The following FARP1 variants were observed in gnomAD, a reference collection of about 807,000 sequenced individuals.
FARP1 encodes FERM, ARHGEF and pleckstrin domain-containing protein 1.
Under a neutral mutation model 128.8 loss-of-function variants are expected in FARP1, and 52 were observed. The ratio of observed to expected loss-of-function variants is 0.40; its 90% confidence interval spans 0.32 to 0.51. FARP1 has a LOEUF of 0.51. Ranked by LOEUF, FARP1 falls within the 20% of genes least tolerant of loss-of-function variation. FARP1 has a pLI of 0.45. For synonymous variants in FARP1, 580 were observed against 551.8 expected, an observed-to-expected ratio of 1.05 and a Z score of -0.72; for missense variants, 1,333 against 1,367.9, an observed-to-expected ratio of 0.97 and a Z score of 0.40.
intron 2 of FARP1, among the ~76,000 whole-genome samples, chr13:98,220,703 T>A (rs1271299257): frequency 6.6e-6 from 1 of 152,238 alleles, no homozygotes; most frequent in African/African-American, 2.4e-5. Flanking sequence ...AGCTTTCCTT[T>A]CTGGCGTCTC....
chr13:98,441,268 G>A (rs1196149121), intron 24 of FARP1, among the ~76,000 whole-genome samples: 2 of 152,316 alleles, frequency 1.3e-5, no homozygotes, highest in Admixed American at 6.5e-5. Flanking sequence ...TGGCAAGCAG[G>A]TGCCAGCTCC....
chr13:98,169,376 C>T (rs1877496055), intron 1 of FARP1, among the ~76,000 whole-genome samples: 1 of 152,186 alleles, frequency 6.6e-6, no homozygotes, highest in Admixed American at 6.5e-5. Context: ...ACACATACAC[C>T]CGTAGCTTTC....
chr13:98,428,147 C>G (rs1891858749), intron 17 of FARP1, among the ~76,000 whole-genome samples: 2 of 151,488 alleles, frequency 1.3e-5, no homozygotes, highest in Admixed American at 1.3e-4. Flanking sequence ...TGAGGTCACA[C>G]AACCAAGGGA....
At chr13:98,414,415 T>C (rs754427218) in intron 16 of FARP1, among the ~76,000 whole-genome samples, 36 of 152,186 alleles carry the variant, frequency 2.4e-4, no homozygotes, top group Non-Finnish European at 5.0e-4. Context: ...GCTAATCAAT[T>C]ACTCAAGAAC....
chr13:98,446,335 G>A, intron 25 of FARP1, 130 bp downstream of exon 25: 1 of 648,368 alleles, frequency 1.5e-6, no homozygotes. Flanking sequence ...CAGGGATGCT[G>A]GCGGGGGGCC....
intron 2 of FARP1, among the ~76,000 whole-genome samples, chr13:98,214,263 A>C (rs1880926654): frequency 6.6e-6 from 1 of 152,136 alleles, no homozygotes; most frequent in Admixed American, 6.5e-5. Context: ...CCGGCAGGAG[A>C]GGAAGTGGGA....
chr13:98,230,561 G>A (rs533589506), intron 2 of FARP1, among the ~76,000 whole-genome samples: 9 of 152,314 alleles, frequency 5.9e-5, no homozygotes, highest in Admixed American at 1.3e-4. Context: ...AGGTCCCTGG[G>A]CAGCTCACCA....
upstream of FARP1, chr13:98,142,957 G>C (rs1314298400): frequency 6.7e-6 from 1 of 150,088 alleles, no homozygotes; most frequent in African/African-American, 2.4e-5. Context: ...GCGGAGCGGG[G>C]CGGGGCGGGC....
intron 2 of FARP1, among the ~76,000 whole-genome samples, chr13:98,224,526 C>CAAAAAAAAAA (rs1203238924): frequency 6.0e-5 from 3 of 50,272 alleles, no homozygotes; most frequent in Admixed American, 4.6e-4. Flanking sequence ...GACTCTGTCT[C>CAAAAAAAAAA]AAAAAAAAAA....
At chr13:98,365,492 C>G in intron 4 of FARP1, 55 bp downstream of exon 4, 3 of 1,254,692 alleles carry the variant, frequency 2.4e-6, no homozygotes, top group Non-Finnish European at 3.5e-6. Flanking sequence ...CAGACAGTTT[C>G]ATGTCTAGAC....
intron 18 of FARP1, 181 bp downstream of exon 18, chr13:98,431,461 A>ATTTT (rs34662991): frequency 7.1e-5 from 24 of 339,626 alleles, no homozygotes; most frequent in Non-Finnish European, 9.4e-5. Context: ...TTACATCTTG[A>ATTTT]TTTTTTTTTT....
intron 2 of FARP1, among the ~76,000 whole-genome samples, chr13:98,287,871 G>A (rs1280687607): frequency 7.5e-5 from 11 of 145,856 alleles, no homozygotes; most frequent in South Asian, 6.5e-4. Context: ...GCACGGTCTC[G>A]GCTCACTGCA....
Position 98,453,638 on chromosome 13 carries a change from G to C in FARP1, c.*5321G>C, listed in dbSNP as rs9517313. The C allele has an allele frequency of 0.29, 45,925 of 157,358 alleles. 8,009 individuals are homozygous for C. The highest frequency in any genetic ancestry group is 0.42 in the East Asian group (2,225 of 5,322). 9.7% of individuals were successfully genotyped at this position (157,358 alleles called of 1,614,324 possible). A position where few individuals can be genotyped will look rare whatever the true frequency, so the allele number is the denominator to read the frequency against. On this transcript the variant is annotated 3_prime_UTR_variant, in exon 27 of 27. Coordinates refer to ENST00000319562, the MANE Select transcript of FARP1 (RefSeq NM_005766.4). Reference sequence around the variant, plus strand: ...ATGCAGTCCAAGAATCTATTTCCTAGAACTGCTTCCGAAATATGGTCCAAA... The same window carrying C: ...ATGCAGTCCAAGAATCTATTTCCTACAACTGCTTCCGAAATATGGTCCAAA...
intron 2 of FARP1, among the ~76,000 whole-genome samples, chr13:98,325,565 G>T (rs563416042): frequency 2.4e-4 from 36 of 152,326 alleles, no homozygotes; most frequent in African/African-American, 8.7e-4. Context: ...CAGGAGAAAT[G>T]CTGATCTTCC....
chr13:98,419,837 C>T (rs1187539683), intron 16 of FARP1, among the ~76,000 whole-genome samples: 1 of 152,102 alleles, frequency 6.6e-6, no homozygotes, highest in East Asian at 1.9e-4. Context: ...CCAAGCTGCA[C>T]CGCTGGCATG....
At chr13:98,258,044 G>T (rs568465926) in intron 2 of FARP1, among the ~76,000 whole-genome samples, 1 of 152,104 alleles carries the variant, frequency 6.6e-6, no homozygotes, top group Admixed American at 6.5e-5. Context: ...CACGATCTTG[G>T]CTCACTGCAA....
At chr13:98,347,171 C>A (rs1888215777) in intron 3 of FARP1, among the ~76,000 whole-genome samples, 1 of 152,230 alleles carries the variant, frequency 6.6e-6, no homozygotes, top group Non-Finnish European at 1.5e-5. Flanking sequence ...TCTTAGCGTG[C>A]AACCCAGTGT....
intron 19 of FARP1, among the ~76,000 whole-genome samples, chr13:98,436,469 C>T (rs1892273885): frequency 6.6e-6 from 1 of 152,234 alleles, no homozygotes; most frequent in Non-Finnish European, 1.5e-5. Flanking sequence ...TCAAATGCTA[C>T]GTCACCCAGG....
At chr13:98,429,259 C>T (rs1194252496) in intron 17 of FARP1, among the ~76,000 whole-genome samples, 1 of 152,190 alleles carries the variant, frequency 6.6e-6, no homozygotes, top group Non-Finnish European at 1.5e-5. Flanking sequence ...GGGGGGTCCT[C>T]AGCAGGGGTC....
Sources: allele counts gnomAD v4.1 joint callset (sites outside exome capture counted in the v4.1 genomes callset), GRCh38; gene constraint gnomAD v4.1.1; transcripts MANE v1.5; gene names NCBI Gene and HGNC (gene_info 2026-07-23, HGNC 2026-07-21).